CKM: variants seen among roughly 807,000 people sequenced by gnomAD.
CKM encodes the protein creatine kinase M-type.
In CKM, 28 loss-of-function variants were observed where a neutral mutation model predicts 35.4. That is an observed-to-expected ratio of 0.79 (90% CI 0.59 to 1.08). CKM has a LOEUF of 1.08. Ranked by LOEUF, CKM falls within the 50% of genes least tolerant of loss-of-function variation. The pLI is 0.00. For missense variants in CKM, 484 were observed against 509.8 expected (o/e 0.95, Z 0.49); for synonymous variants, 215 against 204.4 (o/e 1.05, Z -0.44).
chr19:45,319,487 GT>G (rs1315990219), intron 2 of CKM, 33 bp downstream of exon 2: 3 of 1,572,846 alleles, frequency 1.9e-6, no homozygotes, highest in Non-Finnish European at 2.6e-6. Flanking sequence ...GAGCCCCCAT[GT>G]AGCCCCTTCA....
At chr19:45,308,243 A>G (rs1599813972) in intron 6 of CKM, among the ~76,000 whole-genome samples, 166 bp downstream of exon 6, 1 of 27,578 alleles carries the variant, frequency 3.6e-5, no homozygotes, top group South Asian at 9.7e-4. Context: ...GGGTGGGGCT[A>G]GTTTTGGGGG....
intron 1 of CKM, among the ~76,000 whole-genome samples, chr19:45,321,231 G>A (rs1457344131): frequency 4.6e-5 from 7 of 151,864 alleles, no homozygotes; most frequent in Non-Finnish European, 1.0e-4. Flanking sequence ...AGGTTCGTGC[G>A]AGGAGCTGGT....
intron 2 of CKM, among the ~76,000 whole-genome samples, chr19:45,318,936 C>G (rs1034479489): frequency 2.0e-5 from 3 of 151,704 alleles, no homozygotes; most frequent in African/African-American, 7.3e-5. Context: ...CTTACTGCAA[C>G]CTGCACCTCC....
Position 45,308,440 on chromosome 19 carries a change from ACCT to A in CKM, c.743_745del (p.Glu248del), listed in dbSNP as rs1281836507. The A allele has an allele frequency of 1.2e-6, 2 of 1,613,430 alleles. No homozygotes were observed. The highest frequency in any genetic ancestry group is 2.2e-5 in the East Asian group (1 of 44,840). Reference sequence around the variant, plus strand: ...CAGCCCTACGCAGAAGCGGCGGAAAACCTCCTTCATGTTGCCCCCCTTCTCCAT... The same window carrying A: ...CAGCCCTACGCAGAAGCGGCGGAAAACCTTCATGTTGCCCCCCTTCTCCAT... On this transcript the variant is annotated inframe_deletion, in exon 6 of 8. Transcript: ENST00000221476.
At chr19:45,320,119 C>A (rs1971200036) in intron 1 of CKM, among the ~76,000 whole-genome samples, 1 of 148,740 alleles carries the variant, frequency 6.7e-6, no homozygotes, top group Non-Finnish European at 1.5e-5. Context: ...TGGAGTCTCA[C>A]TCTGTTACCC....
intron 4 of CKM, among the ~76,000 whole-genome samples, chr19:45,314,888 T>A (rs1971142372): frequency 6.6e-6 from 1 of 151,946 alleles, no homozygotes; most frequent in African/African-American, 2.4e-5. Context: ...ATTTTTGTCT[T>A]TTTTGTAGAG....
intron 4 of CKM, among the ~76,000 whole-genome samples, chr19:45,313,186 A>G (rs1254656203): frequency 6.6e-6 from 1 of 151,954 alleles, no homozygotes; most frequent in Non-Finnish European, 1.5e-5. Context: ...TATTGGAGCC[A>G]TTTTTCCTAC....
intron 3 of CKM, among the ~76,000 whole-genome samples, chr19:45,316,830 G>C (rs1971162945): frequency 6.6e-6 from 1 of 151,342 alleles, no homozygotes; most frequent in Non-Finnish European, 1.5e-5. Flanking sequence ...AGGATTATAG[G>C]TGAACACCAG....
At position 45,316,072 on chromosome 19, in the gene CKM, G is replaced by A. The variant is rs892601829; in HGVS notation, c.349-475C>T. 3.4e-4 allele frequency among the ~76,000 whole-genome samples: 52 copies of A among 152,072 alleles called. 1 individual carries two copies. Among genetic ancestry groups the A allele is most frequent in the African/African-American group, 1.2e-3 (49 of 41,518 alleles). On this transcript the variant is annotated intron_variant, in intron 3 of 7. Transcript: ENST00000221476. The stretch of plus-strand genomic sequence containing the variant: ...GGGCTGGGCGCGGTGGCTCACACCT[G>A]TAATCCCAACACTTTGGGAAGCCGA...
At chr19:45,321,853 G>A (rs148407448) in intron 1 of CKM, among the ~76,000 whole-genome samples, 1,819 of 152,168 alleles carry the variant, frequency 0.012, 125 homozygotes, top group Admixed American at 0.1. Flanking sequence ...ACGGGGATGG[G>A]AAGCAGGTGG....
chr19:45,315,235 C>T (rs753190426), intron 4 of CKM, among the ~76,000 whole-genome samples: 1 of 152,206 alleles, frequency 6.6e-6, no homozygotes, highest in Non-Finnish European at 1.5e-5. Context: ...TGGGGGCAGC[C>T]AGGTGTCTGC....
chr19:45,321,507 G>A (rs1971213306), intron 1 of CKM, among the ~76,000 whole-genome samples: 1 of 152,158 alleles, frequency 6.6e-6, no homozygotes, highest in South Asian at 2.1e-4. Context: ...CCTGTGAACT[G>A]AGCCTGCCCC....
intron 2 of CKM, among the ~76,000 whole-genome samples, chr19:45,319,160 C>T (rs1319962136): frequency 6.6e-6 from 1 of 152,102 alleles, no homozygotes; most frequent in South Asian, 2.1e-4. Flanking sequence ...CCTGGCCCCC[C>T]TGTCAGAGCT....
chr19:45,318,045 C>CCACTGAGCCCACA, intron 2 of CKM, 66 bp from the exon 3 acceptor site: 1 of 1,440,500 alleles, frequency 6.9e-7, no homozygotes, highest in Non-Finnish European at 9.7e-7. Context: ...CTTGTGGGCT[C>CCACTGAGCCCACA]AGTGGAGCCT....
chr19:45,315,429 G>A (rs1346601886), intron 4 of CKM, 36 bp downstream of exon 4: 5 of 1,592,884 alleles, frequency 3.1e-6, no homozygotes, highest in Admixed American at 3.4e-5. Context: ...GCCAGGGCTG[G>A]GTGACCCCAG....
At position 45,319,693 on chromosome 19, in the gene CKM, G is replaced by C; in HGVS notation, c.21C>G (p.His7Gln). 8.1e-6 allele frequency: 13 copies of C among 1,614,238 alleles called. No homozygotes were observed. Among genetic ancestry groups the C allele is most frequent in the Non-Finnish European group, 1.1e-5 (13 of 1,180,044 alleles). Reference protein sequence around the residue: MPFGNTHNKFKLNYKPE... With the variant: MPFGNTQNKFKLNYKPE... ...GCTTGTAATTCAGCTTGAACTTGTT[G>C]TGGGTGTTACCGAATGGCATGGTGG... Residue 7 changes from histidine (H) to glutamine (Q), a missense_variant, in exon 2 of 8, where the codon CAC (histidine) becomes CAG (glutamine). Physicochemically the swap from His to Gln is conservative, Grantham distance 24. Coordinates refer to ENST00000221476, the MANE Select transcript of CKM (RefSeq NM_001824.5).
At chr19:45,310,580 A>G (rs1253889748) in intron 5 of CKM, among the ~76,000 whole-genome samples, 2 of 152,004 alleles carry the variant, frequency 1.3e-5, no homozygotes, top group African/African-American at 4.8e-5. Flanking sequence ...AAGTTAGTAA[A>G]TGGTAGAGCT....
intron 6 of CKM, 57 bp from the exon 7 acceptor site, chr19:45,307,707 C>A: frequency 6.9e-7 from 1 of 1,446,216 alleles, no homozygotes. Flanking sequence ...CAAATGCACC[C>A]GCAACATGGA....
intron 5 of CKM, among the ~76,000 whole-genome samples, chr19:45,310,381 A>G (rs1242517209): frequency 6.6e-6 from 1 of 151,924 alleles, no homozygotes; most frequent in African/African-American, 2.4e-5. Context: ...TGGCCTCCCA[A>G]AGTGCTGGGA....
Sources: allele counts gnomAD v4.1 joint callset (sites outside exome capture counted in the v4.1 genomes callset), GRCh38; gene constraint gnomAD v4.1.1; transcripts MANE v1.5; gene names NCBI Gene and HGNC (gene_info 2026-07-23, HGNC 2026-07-21).